The following SRD5A2 variants were observed in gnomAD, a reference collection of about 807,000 sequenced individuals.
SRD5A2 encodes the protein 3-oxo-5-alpha-steroid 4-dehydrogenase 2.
A neutral mutation model predicts 27.4 loss-of-function variants in SRD5A2; 30 were observed. The observed-to-expected ratio is 1.10, with a 90% CI of 0.82 to 1.49. The LOEUF (loss-of-function observed/expected upper bound fraction) is 1.49. Among genes scored for constraint, SRD5A2 ranks in the 40% most tolerant of loss-of-function variants. The pLI is 0.00. For missense variants in SRD5A2, 348 were observed against 323.4 expected (o/e 1.08, Z -0.58); for synonymous variants, 141 against 133.6 (o/e 1.06, Z -0.38).
chr2:31,654,741 C>T, the SRD5A2 span, among the ~76,000 whole-genome samples: 1 of 152,180 alleles, frequency 6.6e-6, no homozygotes, highest in African/African-American at 2.4e-5. Flanking sequence ...CTAGACAGAA[C>T]TAAAACACTC....
chr2:31,650,316 T>G, the SRD5A2 span, among the ~76,000 whole-genome samples: 2 of 152,004 alleles, frequency 1.3e-5, no homozygotes, highest in Non-Finnish European at 2.9e-5. Context: ...AAAGAAAAAG[T>G]GAGGGATGGG....
chr2:31,535,229 C>T (rs1330528548), intron 1 of SRD5A2, among the ~76,000 whole-genome samples: 1 of 152,092 alleles, frequency 6.6e-6, no homozygotes, highest in African/African-American at 2.4e-5. Context: ...ACCATATTGG[C>T]CAGGCTGGTC....
the SRD5A2 span, among the ~76,000 whole-genome samples, chr2:31,629,377 C>A: frequency 1.3e-5 from 2 of 152,196 alleles, no homozygotes; most frequent in Admixed American, 1.3e-4. Context: ...CACCCGGTAA[C>A]ATTTTGGCGA....
intron 1 of SRD5A2, among the ~76,000 whole-genome samples, chr2:31,544,302 C>A (rs1178927156): frequency 2.0e-5 from 3 of 151,690 alleles, no homozygotes; most frequent in Non-Finnish European, 4.4e-5. Flanking sequence ...TAAGTAATGA[C>A]ATAGAGAACT....
chr2:31,525,375 T>A lies in SRD5A2; in HGVS notation c.*821A>T, dbSNP rs61750401. On this transcript the variant is annotated 3_prime_UTR_variant, in exon 5 of 5. Transcript: ENST00000622030. ...TTTCCAAAAACATGAGAGTTTGCAATGTCTATTGTAAAACTGTTCTCTATC... is the reference window on the plus strand; with the variant it reads ...TTTCCAAAAACATGAGAGTTTGCAAAGTCTATTGTAAAACTGTTCTCTATC... The A allele has an allele frequency of 6.2e-5, 14 of 227,222 alleles. No individual in the cohort carries two copies. Among genetic ancestry groups the A allele is most frequent in the African/African-American group, 2.9e-4 (13 of 45,138 alleles). The allele number at this position is 227,222 out of a possible 1,614,324, so 14.1% of individuals were successfully genotyped here.
chr2:31,658,963 CA>C, the SRD5A2 span, among the ~76,000 whole-genome samples: 1 of 152,020 alleles, frequency 6.6e-6, no homozygotes, highest in South Asian at 2.1e-4. Flanking sequence ...AAATCTGCAA[CA>C]AAATACTAGC....
chr2:31,623,052 T>C, the SRD5A2 span, among the ~76,000 whole-genome samples: 7 of 152,072 alleles, frequency 4.6e-5, no homozygotes, highest in East Asian at 9.6e-4. Context: ...TTGCTCTCAA[T>C]TGGTCGTTGT....
At chr2:31,654,019 G>A in the SRD5A2 span, among the ~76,000 whole-genome samples, 2 of 151,890 alleles carry the variant, frequency 1.3e-5, no homozygotes, top group African/African-American at 4.8e-5. Context: ...ATGTATAGGG[G>A]TTGCCAAAAG....
chr2:31,648,647 A>G, the SRD5A2 span, among the ~76,000 whole-genome samples: 1 of 152,216 alleles, frequency 6.6e-6, no homozygotes, highest in Non-Finnish European at 1.5e-5. Context: ...AAGAAAAAGA[A>G]TCTATTCAGT....
At chr2:31,570,642 A>T (rs1434133051) in intron 1 of SRD5A2, among the ~76,000 whole-genome samples, 1 of 152,256 alleles carries the variant, frequency 6.6e-6, no homozygotes, top group Non-Finnish European at 1.5e-5. Flanking sequence ...GTCTCTTCCC[A>T]AAAGCTTCTT....
chr2:31,613,136 G>A, the SRD5A2 span, among the ~76,000 whole-genome samples: 2 of 152,100 alleles, frequency 1.3e-5, no homozygotes, highest in Non-Finnish European at 2.9e-5. Flanking sequence ...GACTCCAAAA[G>A]TACATGAAAC....
the SRD5A2 span, among the ~76,000 whole-genome samples, chr2:31,611,754 T>G: frequency 6.6e-5 from 10 of 152,152 alleles, no homozygotes; most frequent in Non-Finnish European, 1.5e-4. Context: ...TGTTTGGCTA[T>G]TTTTTATACA....
At chr2:31,634,577 G>A in the SRD5A2 span, among the ~76,000 whole-genome samples, 1 of 151,826 alleles carries the variant, frequency 6.6e-6, no homozygotes, top group African/African-American at 2.4e-5. Flanking sequence ...TTTTTATTAA[G>A]GATATATATG....
the SRD5A2 span, among the ~76,000 whole-genome samples, chr2:31,586,102 G>C: frequency 4.6e-5 from 7 of 152,104 alleles, no homozygotes; most frequent in Admixed American, 1.3e-4. Flanking sequence ...TGGTTACACA[G>C]ATAAGTTCTT....
Position 31,526,202 on chromosome 2 carries a change from G to C in SRD5A2, c.759C>G (p.Ile253Met). Residue 253 changes from isoleucine to methionine, a missense_variant, in exon 5 of 5, where the codon ATC (isoleucine) becomes ATG (methionine). Transcript: ENST00000622030. ...CCTTTTTAATTTGGTTCCTTTAAAAGATGAATGGAATAAGGGCTTTCCGAG... is the reference window on the plus strand; with the variant it reads ...CCTTTTTAATTTGGTTCCTTTAAAACATGAATGGAATAAGGGCTTTCCGAG... ...PKSRKALIPF[I>M]F The C allele has an allele frequency of 6.3e-7, 1 of 1,581,472 alleles. No homozygotes were observed. Among genetic ancestry groups the C allele is most frequent in the African/African-American group, 1.3e-5 (1 of 74,164 alleles).
the SRD5A2 span, among the ~76,000 whole-genome samples, chr2:31,587,751 G>T: frequency 6.6e-6 from 1 of 152,076 alleles, no homozygotes; most frequent in Admixed American, 6.6e-5. Context: ...CTGTCAAGGG[G>T]TTGGAGTCAA....
intron 1 of SRD5A2, among the ~76,000 whole-genome samples, chr2:31,546,312 A>G (rs1375951035): frequency 6.6e-6 from 1 of 152,216 alleles, no homozygotes; most frequent in Admixed American, 6.5e-5. Context: ...ATCTTACTAA[A>G]AACTATAGTA....
chr2:31,548,742 C>G (rs1479882561), intron 1 of SRD5A2, among the ~76,000 whole-genome samples: 2 of 152,104 alleles, frequency 1.3e-5, no homozygotes, highest in African/African-American at 2.4e-5. Flanking sequence ...GAATATGCAT[C>G]TAAAAGAACT....
chr2:31,661,463 A>C, the SRD5A2 span, among the ~76,000 whole-genome samples: 1 of 152,156 alleles, frequency 6.6e-6, no homozygotes, highest in Admixed American at 6.6e-5. Flanking sequence ...CCTGTGCTAC[A>C]CAAGGAGACA....
Sources: gnomAD v4.1 joint callset for allele counts (sites outside exome capture counted in the v4.1 genomes callset) on GRCh38, gnomAD v4.1.1 for gene constraint, MANE v1.5 for transcripts, NCBI Gene and HGNC (gene_info 2026-07-23, HGNC 2026-07-21) for gene names.